The following MYH3 variants were observed in gnomAD, a reference collection of about 807,000 sequenced individuals.
The protein encoded by MYH3 is myosin-3.
In MYH3, 130 loss-of-function variants were observed where a neutral mutation model predicts 238.0. The observed-to-expected ratio is 0.55, with a 90% confidence interval of 0.47 to 0.63. The LOEUF (loss-of-function observed/expected upper bound fraction) is 0.63. MYH3 is among the 30% of genes least tolerant of loss of function. MYH3 has a pLI of 0.00. For synonymous variants in MYH3, 880 were observed against 924.1 expected (o/e 0.95, Z 0.86); for missense variants, 1,853 against 2,374.9 (o/e 0.78, Z 4.57).
At position 10,630,278 on chromosome 17, in the gene MYH3, C is replaced by T. The variant is rs2074141956; in HGVS notation, c.5457+10G>A. 1.2e-6 allele frequency: 2 copies of T among 1,613,832 alleles called. No homozygotes were observed. Among genetic ancestry groups the T allele is most frequent in the South Asian group, 1.1e-5 (1 of 91,088 alleles). On this transcript the variant is annotated intron_variant, in intron 37 of 40. Transcript: ENST00000583535. ...AAGCTCAGCGCAGGCGGGGTTCCTC[C>T]TGCACACACCCTGGTCTCCAGTTTC...
chr17:10,651,748 T>C (rs1597492959), intron 4 of MYH3, 80 bp from the exon 5 acceptor site: 1 of 876,760 alleles, frequency 1.1e-6, no homozygotes, highest in Non-Finnish European at 1.4e-6. Context: ...ATTATTATTG[T>C]TTTTTTTTTT....
intron 7 of MYH3, 50 bp downstream of exon 7, chr17:10,649,527 G>T: frequency 6.9e-7 from 1 of 1,441,400 alleles, no homozygotes; most frequent in Non-Finnish European, 9.8e-7. Flanking sequence ...CTGAGGTTAA[G>T]ACCACAGTTA....
In MYH3 at chr17:10,635,362, C is replaced by T. The variant is rs554570802; in HGVS notation, c.4172+5G>A. The T allele has an allele frequency of 4.3e-6, 7 of 1,614,032 alleles. No homozygotes were observed. The Admixed American group carries it at 5.0e-5, about 12-fold the overall frequency. On this transcript the variant is annotated splice_donor_5th_base_variant and intron_variant, in intron 30 of 40. Coordinates refer to ENST00000583535, the MANE Select transcript of MYH3 (RefSeq NM_002470.4). ...GTTCTTCTAAAAGCAAACAGAGCTG[C>T]GCACTTGGCCTCCTCCAGCTCTTCT...
intron 36 of MYH3, among the ~76,000 whole-genome samples, chr17:10,630,727 C>T (rs1412694766): frequency 6.6e-6 from 1 of 152,010 alleles, no homozygotes; most frequent in Non-Finnish European, 1.5e-5. Flanking sequence ...GGCAGATGCC[C>T]GTATTCCCAG....
intron 5 of MYH3, among the ~76,000 whole-genome samples, chr17:10,650,825 A>G (rs1001549889): frequency 1.8e-4 from 28 of 152,174 alleles, no homozygotes; most frequent in Admixed American, 9.2e-4. Context: ...TTCCAGCTGT[A>G]TCCTTTGGTC....
At chr17:10,663,802 C>T in the MYH3 span, among the ~76,000 whole-genome samples, 5 of 152,114 alleles carry the variant, frequency 3.3e-5, no homozygotes, top group African/African-American at 1.2e-4. Flanking sequence ...GTGGCTCACA[C>T]CTGTAATCCC....
chr17:10,637,886 G>T lies in MYH3; in HGVS notation c.3779C>A (p.Ala1260Asp), dbSNP rs780469149. 6.2e-7 allele frequency: 1 copy of T among 1,614,030 alleles called. No homozygotes were observed. The highest frequency in any genetic ancestry group is 1.1e-5 in the South Asian group (1 of 91,072). The stretch of plus-strand genomic sequence containing the variant: ...CTGAATTTCCTCATTCTTGCCCCTG[G>T]CCTCACTTAACTGATCCTCCAGGGT... Reference protein sequence around the residue: ...CRTLEDQLSEARGKNEEIQRS... With the variant: ...CRTLEDQLSEDRGKNEEIQRS... Residue 1260 changes from alanine (A) to aspartate (D), a missense_variant, in exon 28 of 41, where the codon GCC (alanine) becomes GAC (aspartate). Transcript: ENST00000583535.
At chr17:10,652,845 TCTC>T (rs1189413247) in intron 3 of MYH3, among the ~76,000 whole-genome samples, 3 of 151,698 alleles carry the variant, frequency 2.0e-5, no homozygotes, top group Admixed American at 6.6e-5. Flanking sequence ...ATGGTCTCGA[TCTC>T]CTGACCTCGT....
At position 10,638,428 on chromosome 17, in the gene MYH3, C is replaced by T. The variant is rs748991696; in HGVS notation, c.3344G>A (p.Arg1115Gln). Reference sequence around the variant, plus strand: ...TATCTCCTCTTCCAGCTCCTCAATTCGAGCCTGTGGAGGGCAGCCGTTCAC... The same window carrying T: ...TATCTCCTCTTCCAGCTCCTCAATTTGAGCCTGTGGAGGGCAGCCGTTCAC... ...FQKKIKELQA[R>Q]IEELEEEIEA... Residue 1115 changes from arginine to glutamine, a missense_variant, in exon 27 of 41, where the codon CGA (arginine) becomes CAA (glutamine). Around this residue, in one of 3 missense-constraint regions of MYH3, gnomAD observed 1,044 missense variants for 1,192.6 expected, o/e 0.88. Transcript: ENST00000583535. 12 of 1,599,630 alleles carry T rather than the reference C, an allele frequency of 7.5e-6. No individual in the cohort carries two copies. The highest frequency in any genetic ancestry group is 4.5e-5 in the East Asian group (2 of 44,854).
rs751005844 is a variant in MYH3, at chr17:10,638,319, C to T, written c.3453G>A (p.Leu1151=). ...TGGAGGTGACGCCTCCCGCCTCCTC[C>T]AGCCGCTCGCTCAGCTCCTCCAGCT... ...ARELEELSER[L]EEAGGVTSTQ... The change falls in exon 27 of 41, where the codon CTG becomes CTA. Residue 1151 remains leucine, a synonymous_variant. Coordinates refer to ENST00000583535, the MANE Select transcript of MYH3 (RefSeq NM_002470.4). 2 of 1,612,430 alleles carry T rather than the reference C, an allele frequency of 1.2e-6. No homozygotes were observed. The highest frequency in any genetic ancestry group is 2.7e-5 in the African/African-American group (2 of 74,856).
intron 7 of MYH3, 91 bp downstream of exon 7, chr17:10,649,486 G>A (rs758841042): frequency 1.3e-5 from 13 of 982,506 alleles, no homozygotes; most frequent in Non-Finnish European, 2.1e-5. Context: ...TCTGAAGAGG[G>A]GGGAATGTGA....
Position 10,635,551 on chromosome 17 carries a change from G to C in MYH3, c.3988C>G (p.Leu1330Val). Reference sequence around the variant, plus strand: ...CGGGAGGACTGCAGGGCGTGCGCCAGGGCGTTCTTGGCCTGCAGAAGTTAA... The same window carrying C: ...CGGGAGGACTGCAGGGCGTGCGCCACGGCGTTCTTGGCCTGCAGAAGTTAA... The part of the protein sequence containing the change: ...LEEENKAKNA[L>V]AHALQSSRHD... Residue 1330 changes from leucine to valine, a missense_variant, in exon 30 of 41, where the codon CTG becomes GTG. By Grantham distance (32) the Leu-to-Val change is conservative. This residue lies in a region of MYH3 where 1,044 missense variants were observed against 1,192.6 expected (regional missense o/e 0.88). Coordinates refer to ENST00000583535, the MANE Select transcript of MYH3 (RefSeq NM_002470.4). The C allele has an allele frequency of 2.5e-6, 4 of 1,614,262 alleles. No homozygotes were observed. The highest frequency in any genetic ancestry group is 3.4e-6 in the Non-Finnish European group (4 of 1,180,046).
At chr17:10,658,447 G>A (rs2074455708), upstream of MYH3, 1 of 152,222 alleles carries the variant, frequency 6.6e-6, no homozygotes, top group African/African-American at 2.4e-5. Flanking sequence ...CGGTCTCAGG[G>A]CAAAGGCACG....
chr17:10,647,846 C>T (rs144371202), intron 8 of MYH3, among the ~76,000 whole-genome samples: 1 of 152,156 alleles, frequency 6.6e-6, no homozygotes, highest in East Asian at 1.9e-4. Flanking sequence ...CCCAGCACCC[C>T]CTACAGTTTG....
chr17:10,635,729 G>A lies in MYH3; in HGVS notation c.3975+6C>T, dbSNP rs763640392. ...AGGGCAAAGAAGTCTTCCTTCAATG[G>A]TGTACCTTGTTCTCTTCCTCCAGCT... On this transcript the variant is annotated splice_donor_region_variant and intron_variant, in intron 29 of 40. Transcript: ENST00000583535. 10 of 1,613,160 alleles carry A rather than the reference G, an allele frequency of 6.2e-6. No homozygotes were observed. Among genetic ancestry groups the A allele is most frequent in the Middle Eastern group, 1.6e-4 (1 of 6,062 alleles).
rs77946261 is a variant in MYH3 at position 10,638,046 on chromosome 17, A to G, written c.3726T>C (p.Ser1242=). 2,124 of 1,613,692 alleles carry G rather than the reference A, an allele frequency of 1.3e-3. 31 individuals are homozygous for G. The African/African-American group carries it at 0.025, about 19-fold the overall frequency. ...LSSSMESVSK[S]KANLEKICRT... ...CCACCCCCACCCCGCGCAGCACCTT[A>G]GATTTCGACACACTCTCCATGCTGC... is the stretch of plus-strand genomic sequence containing the variant. Residue 1242 remains serine (S), a synonymous_variant, in exon 27 of 41, where the codon TCT becomes TCC. Transcript: ENST00000583535.
At chr17:10,678,385 C>T in the MYH3 span, 1 of 152,176 alleles carries the variant, frequency 6.6e-6, no homozygotes, top group Admixed American at 6.5e-5. Context: ...TTCTAACATT[C>T]TGACTTCAAG....
rs138308402 is a variant in MYH3, at chr17:10,640,417, C to T, written c.2342G>A (p.Arg781His). ...LGTLEEMRDD[R>H]LAKLITRTQA... Reference sequence around the variant, plus strand: ...TGTCCGGGTGATTAGTTTGGCCAGGCGGTCATCCCGCATCTCTTCCAGGGT... The same window carrying T: ...TGTCCGGGTGATTAGTTTGGCCAGGTGGTCATCCCGCATCTCTTCCAGGGT... The change falls in exon 21 of 41, where the codon CGC (arginine) becomes CAC (histidine). Residue 781 changes from arginine to histidine, a missense_variant. By Grantham distance (29) the Arg-to-His change is conservative. Around this residue, in one of 3 missense-constraint regions of MYH3, gnomAD observed 678 missense variants for 1,058.9 expected, o/e 0.64. Transcript: ENST00000583535. 9.6e-5 allele frequency: 155 copies of T among 1,614,084 alleles called. No homozygotes were observed. The highest frequency in any genetic ancestry group is 1.1e-4 in the Non-Finnish European group (135 of 1,180,050).
intron 7 of MYH3, among the ~76,000 whole-genome samples, chr17:10,649,190 A>G (rs1054587139): frequency 6.6e-6 from 1 of 152,150 alleles, no homozygotes; most frequent in African/African-American, 2.4e-5. Context: ...TAACACTTCA[A>G]TCCCTTGATT....
Sources: allele counts gnomAD v4.1 joint callset (sites outside exome capture counted in the v4.1 genomes callset), GRCh38; gene constraint gnomAD v4.1.1; regional missense constraint gnomAD v4.1.1; transcripts MANE v1.5; gene names NCBI Gene and HGNC (gene_info 2026-07-23, HGNC 2026-07-21).